The following IL1RAPL1 variants were observed in gnomAD, a reference collection of about 807,000 sequenced individuals.
IL1RAPL1 encodes the protein interleukin-1 receptor accessory protein-like 1.
Under a neutral mutation model 48.4 loss-of-function variants are expected in IL1RAPL1, and 3 were observed. The ratio of observed to expected loss-of-function variants is 0.06; its 90% CI spans 0.03 to 0.16. The LOEUF is 0.16. IL1RAPL1 is among the 10% of genes least tolerant of loss of function. IL1RAPL1 has a pLI of 1.00. For missense variants in IL1RAPL1, 349 were observed against 530.6 expected (o/e 0.66, Z 3.36); for synonymous variants, 185 against 187.7 (o/e 0.99, Z 0.12).
chrX:29,504,024 G>A (rs1227158618), intron 5 of IL1RAPL1, among the ~76,000 whole-genome samples: 1 of 104,502 alleles, frequency 9.6e-6, no homozygotes, highest in Non-Finnish European at 2.0e-5. Context: ...GCAGTGGCGT[G>A]ATCTCGACTC....
At chrX:29,939,800 GTTGT>G (rs935290875) in intron 8 of IL1RAPL1, among the ~76,000 whole-genome samples, 4 of 109,851 alleles carry the variant, frequency 3.6e-5, no homozygotes, top group Admixed American at 9.7e-5. Context: ...CAGTTAATGT[GTTGT>G]TTATTAAACT....
chrX:28,946,181 C>T lies in IL1RAPL1; in HGVS notation c.82+156756C>T, dbSNP rs150737540. Among the ~76,000 whole-genome samples the T allele has an allele frequency of 5.3e-3, 583 of 109,756 alleles. 1 individual carries two copies. The highest frequency in any genetic ancestry group is 0.029 in the Middle Eastern group (6 of 208). Reference sequence around the variant, plus strand: ...AATAAAATCATTAATTTGTATCTGACGCAAAAATAAAGCAGTCAAATTTCT... The same window carrying T: ...AATAAAATCATTAATTTGTATCTGATGCAAAAATAAAGCAGTCAAATTTCT... On this transcript the variant is annotated intron_variant, in intron 2 of 10. Transcript: ENST00000378993.
At chrX:28,936,468 C>G (rs1332886800) in intron 2 of IL1RAPL1, among the ~76,000 whole-genome samples, 1 of 110,776 alleles carries the variant, frequency 9.0e-6, no homozygotes, top group East Asian at 2.9e-4. Flanking sequence ...TACGATTATG[C>G]TAGTGTACTC....
intron 6 of IL1RAPL1, among the ~76,000 whole-genome samples, chrX:29,690,421 A>G (rs1347777309): frequency 8.9e-6 from 1 of 111,919 alleles, no homozygotes; most frequent in Non-Finnish European, 1.9e-5. Context: ...TATTATTGGA[A>G]TAATTAAGCA....
rs1192259146 is a variant in IL1RAPL1 at position 28,588,205 on chromosome X, TATG to T, written c.-25+159_-25+161del. Among the ~76,000 whole-genome samples, 585 of 93,567 alleles carry T rather than the reference TATG, an allele frequency of 6.3e-3. 2 individuals are homozygous for T. The highest frequency in any genetic ancestry group is 0.017 in the African/African-American group (438 of 25,870). The allele number at this position is 93,567 out of a possible 115,157, so 81.3% of individuals were successfully genotyped here. On this transcript the variant is annotated intron_variant, in intron 1 of 10. Transcript: ENST00000378993. The stretch of plus-strand genomic sequence containing the variant: ...GAATAACTGCAGTTGGGTGTGTTGA[TATG>T]TGTGTGTGTGTGTGTGTGTGTGTGT...
At chrX:29,942,178 T>A (rs1004904433) in intron 9 of IL1RAPL1, among the ~76,000 whole-genome samples, 6 of 112,029 alleles carry the variant, frequency 5.4e-5, no homozygotes, top group Admixed American at 9.5e-5. Flanking sequence ...CCCAGTAGTT[T>A]GAAGCGAATC....
intron 5 of IL1RAPL1, among the ~76,000 whole-genome samples, chrX:29,507,705 A>C (rs1388266316): frequency 9.1e-6 from 1 of 109,942 alleles, no homozygotes; most frequent in Non-Finnish European, 1.9e-5. Context: ...AGTGTGTTCA[A>C]GAAGCTAGCT....
intron 2 of IL1RAPL1, among the ~76,000 whole-genome samples, chrX:29,179,817 A>G (rs898488203): frequency 3.6e-5 from 4 of 111,472 alleles, no homozygotes; most frequent in African/African-American, 1.3e-4. Context: ...TTCCTACCTC[A>G]CTGCTGACTA....
rs192236324 is a variant in IL1RAPL1, at chrX:29,306,252, C to T, written c.362+23035C>T. Among the ~76,000 whole-genome samples the T allele has an allele frequency of 1.8e-3, 203 of 111,844 alleles. 1 individual carries two copies. Among genetic ancestry groups the T allele is most frequent in the Admixed American group, 0.018 (190 of 10,569 alleles). On this transcript the variant is annotated intron_variant, in intron 3 of 10. Transcript: ENST00000378993. ...TTAGAAATTGATATTTATGGGGGGC[C>T]GGGCGCGGTGGCTCACGCCTGTAAT... is the stretch of plus-strand genomic sequence containing the variant.
intron 3 of IL1RAPL1, among the ~76,000 whole-genome samples, chrX:29,297,467 A>G (rs1048397125): frequency 3.6e-5 from 4 of 112,541 alleles, no homozygotes; most frequent in African/African-American, 1.3e-4. Flanking sequence ...TTAATTTTAA[A>G]TAGCCACATG....
intron 5 of IL1RAPL1, among the ~76,000 whole-genome samples, chrX:29,417,912 A>G (rs1285225072): frequency 1.9e-5 from 2 of 107,230 alleles, no homozygotes; most frequent in Non-Finnish European, 1.9e-5. Context: ...AAATGCTACT[A>G]TTTCTATTAC....
intron 6 of IL1RAPL1, among the ~76,000 whole-genome samples, chrX:29,727,067 A>G (rs1207369909): frequency 1.8e-5 from 2 of 111,811 alleles, no homozygotes; most frequent in Non-Finnish European, 3.8e-5. Flanking sequence ...TCACTGCTCT[A>G]TAATTTGGCG....
At chrX:28,711,727 A>G (rs1935443123) in intron 1 of IL1RAPL1, among the ~76,000 whole-genome samples, 1 of 105,843 alleles carries the variant, frequency 9.4e-6, no homozygotes, top group Non-Finnish European at 1.9e-5. Context: ...CTGTATTTTT[A>G]ATAATAAATA....
Position 28,678,583 on chromosome X carries a change from G to T in IL1RAPL1, c.-25+90536G>T, listed in dbSNP as rs1289989337. Among the ~76,000 whole-genome samples, 4 of 111,396 alleles carry T rather than the reference G, an allele frequency of 3.6e-5. No individual in the cohort carries two copies. In the South Asian group the frequency reaches 1.5e-3, roughly 42 times the overall value. ...AAATTGGTATTCTAAAGTCCCAATA[G>T]ACCATAGAGAGAAAAATAGAGAGAA... is the stretch of plus-strand genomic sequence containing the variant. On this transcript the variant is annotated intron_variant, in intron 1 of 10. Coordinates refer to ENST00000378993, the MANE Select transcript of IL1RAPL1 (RefSeq NM_014271.4).
intron 5 of IL1RAPL1, among the ~76,000 whole-genome samples, chrX:29,439,726 A>T (rs1469086801): frequency 9.0e-6 from 1 of 110,835 alleles, no homozygotes; most frequent in Non-Finnish European, 1.9e-5. Flanking sequence ...AGTCTTATAT[A>T]TTATATTTTG....
At chrX:29,018,327 C>T (rs924240197) in intron 2 of IL1RAPL1, among the ~76,000 whole-genome samples, 7 of 112,042 alleles carry the variant, frequency 6.2e-5, no homozygotes, top group African/African-American at 2.3e-4. Context: ...TTGATGTATT[C>T]ATGCATGCAT....
intron 6 of IL1RAPL1, among the ~76,000 whole-genome samples, chrX:29,709,884 T>C (rs1233417284): frequency 8.9e-6 from 1 of 111,872 alleles, no homozygotes; most frequent in Non-Finnish European, 1.9e-5. Context: ...CTTTCACCTC[T>C]TTGGTGAATT....
intron 1 of IL1RAPL1, among the ~76,000 whole-genome samples, chrX:28,711,759 T>TTA (rs934193798): frequency 1.0e-4 from 10 of 95,989 alleles, no homozygotes; most frequent in Non-Finnish European, 1.9e-5. Flanking sequence ...CATTTATATA[T>TTA]TATATATATA....
chrX:28,776,723 T>C (rs1307840336), intron 1 of IL1RAPL1, among the ~76,000 whole-genome samples: 1 of 111,817 alleles, frequency 8.9e-6, no homozygotes, highest in African/African-American at 3.3e-5. Context: ...ATACTCTAAA[T>C]AGACAACAAT....
Sources: gnomAD v4.1 joint callset for allele counts (sites outside exome capture counted in the v4.1 genomes callset) on GRCh38, gnomAD v4.1.1 for gene constraint, MANE v1.5 for transcripts, NCBI Gene and HGNC (gene_info 2026-07-23, HGNC 2026-07-21) for gene names.